The following NFIB variants were observed in gnomAD, a reference collection of about 807,000 sequenced individuals.
NFIB encodes the protein nuclear factor I B.
In NFIB, 11 loss-of-function variants were observed where a neutral mutation model predicts 61.5. That is an observed-to-expected ratio of 0.18 (90% confidence interval 0.11 to 0.30). NFIB has a LOEUF of 0.30. Among genes scored for constraint, NFIB ranks in the 10% least tolerant of loss-of-function variants. The pLI, the probability that NFIB is intolerant of heterozygous loss-of-function variation, is 1.00. For synonymous variants in NFIB, 260 were observed against 216.5 expected, an observed-to-expected ratio of 1.20 and a Z score of -1.76; for missense variants, 471 against 608.9, an observed-to-expected ratio of 0.77 and a Z score of 2.38.
intron 2 of NFIB, chr9:14,180,632 A>T (rs542281595): frequency 2.0e-5 from 3 of 152,228 alleles, no homozygotes; most frequent in African/African-American, 7.2e-5. Flanking sequence ...TATCTGTGTC[A>T]TTTGCCCCAT....
chr9:14,307,589 G>C lies in NFIB; in HGVS notation c.31-69C>G. The C allele has an allele frequency of 7.0e-7, 1 of 1,429,942 alleles. No individual in the cohort carries two copies. Among genetic ancestry groups the C allele is most frequent in the South Asian group, 1.6e-5 (1 of 62,992 alleles). The allele number at this position is 1,429,942 out of a possible 1,614,324, so 88.6% of individuals were successfully genotyped here. On this transcript the variant is annotated intron_variant, in intron 1 of 10. Coordinates refer to ENST00000380953, the MANE Select transcript of NFIB (RefSeq NM_001190737.2). This position sits in a 1 kb window ranked among gnomAD's most constrained non-coding sequence, Gnocchi z 5.3. ...TTAATTTTAAAAGCTCAAAAAATAA[G>C]AAAAGAAGACCACAACCCGTTTCCA... is the stretch of plus-strand genomic sequence containing the variant.
chr9:14,263,552 C>G (rs1016778909), intron 2 of NFIB, among the ~76,000 whole-genome samples: 1 of 152,170 alleles, frequency 6.6e-6, no homozygotes, highest in East Asian at 1.9e-4. Flanking sequence ...TCCCAAAAGC[C>G]TGGCTCAAAC....
chr9:14,443,142 A>G, the NFIB span, among the ~76,000 whole-genome samples: 1 of 151,092 alleles, frequency 6.6e-6, no homozygotes, highest in African/African-American at 2.4e-5. Flanking sequence ...AGGAAGGTCA[A>G]GGTTCACAGC....
In NFIB at chr9:14,150,702, C is replaced by CA. The variant is rs746905833; in HGVS notation, c.686-438dup. Among the ~76,000 whole-genome samples, 269 of 151,110 alleles carry CA rather than the reference C, an allele frequency of 1.8e-3. 2 individuals are homozygous for CA. Among genetic ancestry groups the CA allele is most frequent in the Middle Eastern group, 3.4e-3 (1 of 292 alleles). ...AATAAATAAACAGAGAACCGTTTCACAAAAAAAAGCAAAAATCATTATTCA... is the reference window on the plus strand; with the variant it reads ...AATAAATAAACAGAGAACCGTTTCACAAAAAAAAAGCAAAAATCATTATTCA... On this transcript the variant is annotated intron_variant, in intron 4 of 10. Transcript: ENST00000380953.
At chr9:14,333,086 C>A (rs557588847) in intron 1 of NFIB, among the ~76,000 whole-genome samples, 1 of 152,202 alleles carries the variant, frequency 6.6e-6, no homozygotes, top group Admixed American at 6.5e-5. Context: ...GGCAGCTGAT[C>A]TGGAACCACC....
the NFIB span, among the ~76,000 whole-genome samples, chr9:14,437,874 G>C: frequency 6.6e-6 from 1 of 152,246 alleles, no homozygotes; most frequent in African/African-American, 2.4e-5. Context: ...AATCCGTGAG[G>C]CTGAGGCTGG....
At chr9:14,199,903 C>T (rs1215429942) in intron 2 of NFIB, among the ~76,000 whole-genome samples, 1 of 152,156 alleles carries the variant, frequency 6.6e-6, no homozygotes, top group Non-Finnish European at 1.5e-5. Context: ...TAAGGTATTT[C>T]TGTATGTACT....
chr9:14,125,844 C>A (rs931829923), intron 6 of NFIB, 78 bp from the exon 7 acceptor site: 1 of 1,537,270 alleles, frequency 6.5e-7, no homozygotes, highest in Non-Finnish European at 8.7e-7. Flanking sequence ...TGACAGATCT[C>A]ATCTTGCAAC....
chr9:14,330,273 A>T (rs2060805534), intron 1 of NFIB, among the ~76,000 whole-genome samples: 1 of 152,200 alleles, frequency 6.6e-6, no homozygotes, highest in African/African-American at 2.4e-5. Flanking sequence ...AATACTTTAT[A>T]ATATTCTTAT....
chr9:14,174,870 C>T (rs929678239), intron 3 of NFIB, among the ~76,000 whole-genome samples: 4 of 150,862 alleles, frequency 2.7e-5, no homozygotes, highest in East Asian at 1.9e-4. Context: ...CAAGATAAAA[C>T]GTGGTATGAG....
chr9:14,185,429 G>A (rs2047237382), intron 2 of NFIB, among the ~76,000 whole-genome samples: 1 of 152,102 alleles, frequency 6.6e-6, no homozygotes, highest in Admixed American at 6.5e-5. Flanking sequence ...CAGCACCTGG[G>A]TCATACTTTA....
chr9:14,481,220 T>TATATATATATATATATAC, the NFIB span, among the ~76,000 whole-genome samples: 1 of 108,798 alleles, frequency 9.2e-6, no homozygotes, highest in Admixed American at 9.4e-5. Context: ...TATATATATA[T>TATATATATATATATATAC]ATATATATAT....
intron 2 of NFIB, among the ~76,000 whole-genome samples, chr9:14,223,264 G>C (rs1422151896): frequency 6.6e-6 from 1 of 152,094 alleles, no homozygotes; most frequent in Non-Finnish European, 1.5e-5. Flanking sequence ...CTATAGCAGG[G>C]GCACACTTAT....
chr9:14,326,130 T>C (rs2060749446), intron 1 of NFIB, among the ~76,000 whole-genome samples: 1 of 152,192 alleles, frequency 6.6e-6, no homozygotes, highest in African/African-American at 2.4e-5. Context: ...GGAGAGTGCA[T>C]GTCTAGTGTA....
intron 1 of NFIB, among the ~76,000 whole-genome samples, chr9:14,342,994 G>C (rs1167089996): frequency 6.6e-6 from 1 of 152,004 alleles, no homozygotes; most frequent in African/African-American, 2.4e-5. Context: ...GAAAGAAAAG[G>C]GGGTGAGGCC....
chr9:14,500,758 G>A, the NFIB span, among the ~76,000 whole-genome samples: 3 of 152,106 alleles, frequency 2.0e-5, no homozygotes, highest in Admixed American at 1.3e-4. Context: ...TTAGTGGGAG[G>A]AGAATATTCG....
chr9:14,125,473 T>C (rs550575488), intron 7 of NFIB, among the ~76,000 whole-genome samples, 159 bp downstream of exon 7: 1 of 152,302 alleles, frequency 6.6e-6, no homozygotes, highest in East Asian at 1.9e-4. Context: ...TTCTCATAAA[T>C]TGAGAAGAAA....
At chr9:14,141,695 T>C (rs2041720950) in intron 6 of NFIB, among the ~76,000 whole-genome samples, 1 of 152,120 alleles carries the variant, frequency 6.6e-6, no homozygotes, top group Non-Finnish European at 1.5e-5. Context: ...CCCATACATG[T>C]AGAAATTAAT....
At chr9:14,205,551 T>G (rs1384422458) in intron 2 of NFIB, among the ~76,000 whole-genome samples, 1 of 152,036 alleles carries the variant, frequency 6.6e-6, no homozygotes, top group African/African-American at 2.4e-5. Context: ...GTCAGTGGAT[T>G]TTTCTTTGAG....
Sources: allele counts gnomAD v4.1 joint callset (sites outside exome capture counted in the v4.1 genomes callset), GRCh38; gene constraint gnomAD v4.1.1; non-coding constraint Gnocchi (gnomAD v3.1); transcripts MANE v1.5; gene names NCBI Gene and HGNC (gene_info 2026-07-23, HGNC 2026-07-21).